The following AATK variants were observed in gnomAD, a reference collection of about 807,000 sequenced individuals.
The protein encoded by AATK is serine/threonine-protein kinase LMTK1.
AATK carries 91 observed loss-of-function variants against 114.3 expected under a neutral mutation model. The ratio of observed to expected loss-of-function variants is 0.80; its 90% CI spans 0.67 to 0.95. AATK has a LOEUF of 0.95. AATK is among the 40% of genes least tolerant of loss of function. AATK has a pLI of 0.00. For missense variants in AATK, 2,176 were observed against 1,965.2 expected, an observed-to-expected ratio of 1.11 and a Z score of -2.03; for synonymous variants, 1,075 against 916.5, an observed-to-expected ratio of 1.17 and a Z score of -3.12.
At chr17:81,147,129 G>A (rs1019903871) in intron 1 of AATK, among the ~76,000 whole-genome samples, 1 of 151,572 alleles carries the variant, frequency 6.6e-6, no homozygotes, top group Non-Finnish European at 1.5e-5. Context: ...CTGGGAGGCC[G>A]AGGCAGACAG....
intron 1 of AATK, among the ~76,000 whole-genome samples, chr17:81,144,181 A>G (rs772709911): frequency 3.9e-5 from 6 of 152,132 alleles, no homozygotes; most frequent in Non-Finnish European, 7.4e-5. Flanking sequence ...CTTTTGTGGC[A>G]CCAACAGCCA....
chr17:81,118,190 G>T lies in AATK; in HGVS notation c.*212C>A, dbSNP rs997018385. The T allele has an allele frequency of 3.5e-6, 2 of 578,256 alleles. No individual in the cohort carries two copies. The highest frequency in any genetic ancestry group is 6.1e-6 in the Non-Finnish European group (2 of 326,324). The allele number at this position is 578,256 out of a possible 1,614,324, so 35.8% of individuals were successfully genotyped here. A position where few individuals can be genotyped will look rare whatever the true frequency, so the allele number is the denominator to read the frequency against. The stretch of plus-strand genomic sequence containing the variant: ...TAGCAGCAAGCCTAAAAGCCCAGAC[G>T]AATTCTGCCTCTGGGGCGGAGCATG... On this transcript the variant is annotated 3_prime_UTR_variant, in exon 14 of 14. Coordinates refer to ENST00000326724, the MANE Select transcript of AATK (RefSeq NM_001080395.3).
chr17:81,157,034 G>T (rs2061375135), intron 1 of AATK, among the ~76,000 whole-genome samples: 1 of 152,176 alleles, frequency 6.6e-6, no homozygotes. Context: ...GCGGCATCGT[G>T]CCCAGCCCTG....
rs1318869405 is a variant in AATK at position 81,122,451 on chromosome 17, G to A, written c.1485C>T (p.Ser495=). The A allele has an allele frequency of 1.4e-6, 2 of 1,453,312 alleles. No individual in the cohort carries two copies. Among genetic ancestry groups the A allele is most frequent in the Non-Finnish European group, 1.8e-6 (2 of 1,100,898 alleles). The allele number at this position is 1,453,312 out of a possible 1,614,324, so 90.0% of individuals were successfully genotyped here. A position where few individuals can be genotyped will look rare whatever the true frequency, so the allele number is the denominator to read the frequency against. The change falls in exon 11 of 14, where the codon AGC becomes AGT. Residue 495 remains serine (S), a synonymous_variant. Coordinates refer to ENST00000326724, the MANE Select transcript of AATK (RefSeq NM_001080395.3). ...CCTGCAGGCGTGCGGTGCGGCCAGGGCTCAGCGTGGCCGGGAAGGCCTCCG... is the reference window on the plus strand; with the variant it reads ...CCTGCAGGCGTGCGGTGCGGCCAGGACTCAGCGTGGCCGGGAAGGCCTCCG... ...RGAEAFPATL[S]PGRTARLQEL... is the part of the protein sequence containing the mutation.
chr17:81,122,897 G>A, intron 10 of AATK, 74 bp from the exon 11 acceptor site: 2 of 1,311,170 alleles, frequency 1.5e-6, no homozygotes, highest in Non-Finnish European at 2.0e-6. Context: ...CAGGGATGGG[G>A]GTTCCCCTAA....
At chr17:81,130,534 T>C (rs542456826) in intron 3 of AATK, among the ~76,000 whole-genome samples, 12 of 152,138 alleles carry the variant, frequency 7.9e-5, no homozygotes, top group African/African-American at 2.7e-4. Flanking sequence ...AGTGAAAGGC[T>C]AATTCACCAC....
At position 81,126,734 on chromosome 17, in the gene AATK, G is replaced by T. The variant is rs538797070; in HGVS notation, c.622-174C>A. 1 of 1,415,580 alleles carries T rather than the reference G, an allele frequency of 7.1e-7. No individual in the cohort carries two copies. Among genetic ancestry groups the T allele is most frequent in the Non-Finnish European group, 9.2e-7 (1 of 1,086,450 alleles). The allele number at this position is 1,415,580 out of a possible 1,614,324, so 87.7% of individuals were successfully genotyped here. On this transcript the variant is annotated intron_variant, in intron 6 of 13. Transcript: ENST00000326724. This position sits in a 1 kb window ranked among gnomAD's most constrained non-coding sequence, Gnocchi z 5.1. ...AGCACCCAGCAGTTCCTGGAGGGGG[G>T]CCGTGTCCCCCAGGGCTGGGCTGGA...
chr17:81,165,760 G>A (rs2061480967), intron 1 of AATK, 178 bp downstream of exon 1: 3 of 1,519,934 alleles, frequency 2.0e-6, no homozygotes, highest in Admixed American at 4.0e-5. Flanking sequence ...TTGTGCTGGG[G>A]CCCAGGGCCT....
chr17:81,163,499 G>T (rs1365918842), intron 1 of AATK, among the ~76,000 whole-genome samples: 1 of 152,220 alleles, frequency 6.6e-6, no homozygotes, highest in Admixed American at 6.5e-5. Flanking sequence ...TCTCAGAGAG[G>T]CTGGGTGAGT....
chr17:81,119,718 C>T (rs966721856), intron 12 of AATK, 138 bp from the exon 13 acceptor site: 4 of 976,672 alleles, frequency 4.1e-6, no homozygotes, highest in Non-Finnish European at 5.2e-6. Flanking sequence ...GTCACGGGCC[C>T]AGGCCCCGCC....
chr17:81,156,285 A>C (rs1212298313), intron 1 of AATK, among the ~76,000 whole-genome samples: 2 of 149,834 alleles, frequency 1.3e-5, no homozygotes, highest in Non-Finnish European at 2.9e-5. Flanking sequence ...ACTATGTTAC[A>C]ATGTATGTTA....
chr17:81,153,078 G>C (rs2061317736), intron 1 of AATK, among the ~76,000 whole-genome samples: 1 of 152,126 alleles, frequency 6.6e-6, no homozygotes, highest in Non-Finnish European at 1.5e-5. Context: ...CCGACCTCAG[G>C]TGATCCGCCT....
intron 13 of AATK, 21 bp downstream of exon 13, chr17:81,119,359 A>G: frequency 2.3e-6 from 1 of 436,548 alleles, no homozygotes; most frequent in Non-Finnish European, 3.3e-6. Flanking sequence ...CCCTTCTGCC[A>G]CAGCCCCGCC....
chr17:81,142,279 C>CTTT (rs111660324), intron 1 of AATK, among the ~76,000 whole-genome samples: 1 of 142,702 alleles, frequency 7.0e-6, no homozygotes, highest in African/African-American at 2.6e-5. Flanking sequence ...TTTTTCTTTT[C>CTTT]TTTTTTTTTT....
chr17:81,143,292 G>A (rs553449664), intron 1 of AATK, among the ~76,000 whole-genome samples: 918 of 152,200 alleles, frequency 6.0e-3, no homozygotes, highest in Non-Finnish European at 9.5e-3. Flanking sequence ...TGGAGTCCCA[G>A]GACACGTCAC....
At position 81,122,104 on chromosome 17, in the gene AATK, G is replaced by A. The variant is rs370746056; in HGVS notation, c.1832C>T (p.Ser611Leu). 1.2e-5 allele frequency: 19 copies of A among 1,567,746 alleles called. No individual in the cohort carries two copies. In the African/African-American group the frequency reaches 1.7e-4, roughly 14 times the overall value. The change falls in exon 11 of 14, where the codon TCG becomes TTG. Residue 611 changes from serine (S) to leucine (L), a missense_variant. Around this residue, in one of 4 missense-constraint regions of AATK, gnomAD observed 1,701 missense variants for 1,394.7 expected, o/e 1.22. Coordinates refer to ENST00000326724, the MANE Select transcript of AATK (RefSeq NM_001080395.3). ...RDPLCPSRSP[S>L]PSAGPLSLAE... Reference sequence around the variant, plus strand: ...CAGACTCAGGGGCCCCGCCGAGGGCGAGGGAGAGCGTGAGGGGCAGAGCGG... The same window carrying A: ...CAGACTCAGGGGCCCCGCCGAGGGCAAGGGAGAGCGTGAGGGGCAGAGCGG...
intron 7 of AATK, 111 bp from the exon 8 acceptor site, chr17:81,125,125 G>T (rs1390327671): frequency 1.2e-6 from 1 of 866,856 alleles, no homozygotes; most frequent in East Asian, 2.7e-5. Flanking sequence ...TCCAGCACAG[G>T]GTCCTTTGCC....
chr17:81,130,507 C>G (rs1390068240), intron 3 of AATK, among the ~76,000 whole-genome samples: 1 of 152,166 alleles, frequency 6.6e-6, no homozygotes, highest in African/African-American at 2.4e-5. Flanking sequence ...CACCCCTCGG[C>G]CCCTCCTCGC....
At chr17:81,122,932 G>C (rs922376539) in intron 10 of AATK, 109 bp from the exon 11 acceptor site, 1 of 1,090,558 alleles carries the variant, frequency 9.2e-7, no homozygotes, top group African/African-American at 1.6e-5. Flanking sequence ...GGGGCATTAA[G>C]GGTATCTCCC....
Sources: allele counts gnomAD v4.1 joint callset (sites outside exome capture counted in the v4.1 genomes callset), GRCh38; gene constraint gnomAD v4.1.1; regional missense constraint gnomAD v4.1.1; non-coding constraint Gnocchi (gnomAD v3.1); transcripts MANE v1.5; gene names NCBI Gene and HGNC (gene_info 2026-07-23, HGNC 2026-07-21).